PPFIA3: variants seen among roughly 807,000 people sequenced by gnomAD.
PPFIA3 encodes liprin-alpha-3.
In PPFIA3, 26 loss-of-function variants were observed where a neutral mutation model predicts 145.8. That is an observed-to-expected ratio of 0.18 (90% CI 0.13 to 0.25). The LOEUF (loss-of-function observed/expected upper bound fraction) is 0.25. Ranked by LOEUF, PPFIA3 falls within the 10% of genes least tolerant of loss-of-function variation. The pLI is 1.00. For missense variants in PPFIA3, 1,008 were observed against 1,587.8 expected (o/e 0.63, Z 6.21); for synonymous variants, 645 against 661.4 (o/e 0.98, Z 0.38).
At chr19:49,123,587 G>A (rs1200414881) in intron 1 of PPFIA3, among the ~76,000 whole-genome samples, 1 of 151,910 alleles carries the variant, frequency 6.6e-6, no homozygotes, top group Non-Finnish European at 1.5e-5. Context: ...GATTACAGGT[G>A]TGTACCACCA....
intron 15 of PPFIA3, 70 bp from the exon 16 acceptor site, chr19:49,138,135 G>A (rs981761960): frequency 6.9e-7 from 1 of 1,459,006 alleles, no homozygotes; most frequent in Non-Finnish European, 9.1e-7. Flanking sequence ...CTGGCCCATT[G>A]TGCTCCCAGA....
Position 49,122,143 on chromosome 19 carries a change from C to T in PPFIA3, c.-16+2421C>T, listed in dbSNP as rs569543696. Among the ~76,000 whole-genome samples the T allele has an allele frequency of 2.6e-4, 38 of 146,508 alleles. 1 individual carries two copies. In the South Asian group the frequency reaches 7.5e-3, roughly 29 times the overall value. ...TTGCTCAGGCTGGAGTGCAATGCTG[C>T]GATCTTGGCTCACCACAACCTCTGC... On this transcript the variant is annotated intron_variant, in intron 1 of 29. Transcript: ENST00000334186.
rs973481150 is a variant in PPFIA3, at chr19:49,134,562, T to A, written c.1378-77T>A. 2.2e-6 allele frequency: 3 copies of A among 1,357,472 alleles called. No homozygotes were observed. The African/African-American group carries it at 4.3e-5, about 19-fold the overall frequency. 84.1% of individuals were successfully genotyped at this position (1,357,472 alleles called of 1,614,324 possible). Reference sequence around the variant, plus strand: ...CTGGGTCCCCTCAGGCCTGTCTGTGTGCACTGGGAGCTGCCTGCAGCCCCA... The same window carrying A: ...CTGGGTCCCCTCAGGCCTGTCTGTGAGCACTGGGAGCTGCCTGCAGCCCCA... On this transcript the variant is annotated intron_variant, in intron 11 of 29. Coordinates refer to ENST00000334186, the MANE Select transcript of PPFIA3 (RefSeq NM_003660.4).
chr19:49,148,868 A>G, intron 25 of PPFIA3, 105 bp downstream of exon 25: 1 of 1,467,938 alleles, frequency 6.8e-7, no homozygotes, highest in Non-Finnish European at 9.1e-7. Context: ...TGGCACCATA[A>G]CCGTGGGGGT....
Position 49,128,770 on chromosome 19 carries a change from C to A in PPFIA3, c.343-78C>A. On this transcript the variant is annotated intron_variant, in intron 3 of 29. Transcript: ENST00000334186. The surrounding 1 kb of genome is among the most constrained non-coding windows in gnomAD (Gnocchi z 4.1). Reference sequence around the variant, plus strand: ...TCCATCTTTTCCTCCATGTGTCCGCCCTACCTGTCACCCTTTTTCTCACAT... The same window carrying A: ...TCCATCTTTTCCTCCATGTGTCCGCACTACCTGTCACCCTTTTTCTCACAT... The A allele has an allele frequency of 7.3e-7, 1 of 1,363,766 alleles. No individual in the cohort carries two copies. The highest frequency in any genetic ancestry group is 1.0e-6 in the Non-Finnish European group (1 of 1,002,566). 84.5% of individuals were successfully genotyped at this position (1,363,766 alleles called of 1,614,324 possible).
intron 18 of PPFIA3, among the ~76,000 whole-genome samples, chr19:49,140,664 T>C: frequency 7.3e-6 from 1 of 137,798 alleles, no homozygotes; most frequent in East Asian, 2.0e-4. Flanking sequence ...TTTTTTTTTT[T>C]TTTGTTTGGA....
At chr19:49,132,946 C>T in intron 7 of PPFIA3, 55 bp from the exon 8 acceptor site, 5 of 1,573,104 alleles carry the variant, frequency 3.2e-6, no homozygotes, top group South Asian at 2.3e-5. Flanking sequence ...AAGGGGGTTC[C>T]CCGTCCTCTC....
intron 5 of PPFIA3, 56 bp downstream of exon 5, chr19:49,129,510 G>A (rs543109254): frequency 1.6e-5 from 25 of 1,535,000 alleles, no homozygotes; most frequent in African/African-American, 1.4e-4. Flanking sequence ...CTAAGGGGCT[G>A]CCCACGGGGC....
chr19:49,142,201 C>T, intron 20 of PPFIA3, 86 bp downstream of exon 20: 3 of 1,275,346 alleles, frequency 2.4e-6, no homozygotes, highest in South Asian at 2.7e-5. Context: ...CCTCCTGGCG[C>T]ACCCTGCTTC....
chr19:49,125,933 G>GTT (rs67726449), intron 1 of PPFIA3, among the ~76,000 whole-genome samples: 2,523 of 149,266 alleles, frequency 0.017, 46 homozygotes, highest in African/African-American at 0.042. Context: ...TATTTTTTTT[G>GTT]TTTTTTTTTG....
chr19:49,142,187 T>A, intron 20 of PPFIA3, 72 bp downstream of exon 20: 3 of 1,353,980 alleles, frequency 2.2e-6, no homozygotes, highest in Non-Finnish European at 3.1e-6. Flanking sequence ...AGGGGCTGCC[T>A]GGTCCTCCTG....
chr19:49,131,749 G>A (rs770064926), intron 7 of PPFIA3, among the ~76,000 whole-genome samples: 54 of 151,894 alleles, frequency 3.6e-4, no homozygotes, highest in Non-Finnish European at 7.4e-4. Context: ...GGTGGTTCAC[G>A]CCTGTAATCC....
intron 4 of PPFIA3, 41 bp downstream of exon 4, chr19:49,129,053 A>G (rs1448209659): frequency 1.3e-6 from 2 of 1,531,710 alleles, no homozygotes; most frequent in East Asian, 2.3e-5. Context: ...ATGGAAACCT[A>G]TAGTTGACTG....
In PPFIA3 at chr19:49,142,806, G is replaced by A; in HGVS notation, c.2547G>A (p.Leu849=). ...DGPTVVSWLE[L]WVGMPAWYVA... ...GTCCCTCTGTCCCTCCGCTGCAGCT[G>A]TGGGTGGGCATGCCTGCCTGGTATG... The change falls in exon 21 of 30, where the codon CTG becomes CTA. Residue 849 remains leucine, a splice_region_variant and synonymous_variant. Transcript: ENST00000334186. 6.2e-7 allele frequency: 1 copy of A among 1,612,014 alleles called. No individual in the cohort carries two copies. The highest frequency in any genetic ancestry group is 2.2e-5 in the East Asian group (1 of 44,734).
chr19:49,133,178 G>C lies in PPFIA3; in HGVS notation c.1026+31G>C, dbSNP rs928601813. ...GGCGCGGCCGGGAGGGGCGATGGGG[G>C]CGGTGCCGGGGCCCAAGTGACCCAG... On this transcript the variant is annotated intron_variant, in intron 8 of 29. Coordinates refer to ENST00000334186, the MANE Select transcript of PPFIA3 (RefSeq NM_003660.4). This position sits in a 1 kb window ranked among gnomAD's most constrained non-coding sequence, Gnocchi z 7.2. The C allele has an allele frequency of 1.9e-6, 3 of 1,585,088 alleles. No homozygotes were observed. The highest frequency in any genetic ancestry group is 2.7e-5 in the African/African-American group (2 of 74,286).
chr19:49,149,387 G>A lies in PPFIA3; in HGVS notation c.3354+62G>A. ...GCGGCTCCTCGAGAGGCTGAGCTGA[G>A]GGGGCGGGGCCTGACTATTAATGGT... On this transcript the variant is annotated intron_variant, in intron 27 of 29. Coordinates refer to ENST00000334186, the MANE Select transcript of PPFIA3 (RefSeq NM_003660.4). The surrounding 1 kb of genome is among the most constrained non-coding windows in gnomAD (Gnocchi z 5.7). 6.2e-7 allele frequency: 1 copy of A among 1,603,900 alleles called. No individual in the cohort carries two copies. The highest frequency in any genetic ancestry group is 1.7e-4 in the Middle Eastern group (1 of 5,754).
rs2041334618 is a variant in PPFIA3 at position 49,150,399 on chromosome 19, G to A, written c.*177G>A. 2 of 437,770 alleles carry A rather than the reference G, an allele frequency of 4.6e-6. No homozygotes were observed. The highest frequency in any genetic ancestry group is 8.3e-6 in the Non-Finnish European group (2 of 242,184). 27.1% of individuals were successfully genotyped at this position (437,770 alleles called of 1,614,324 possible). A position where few individuals can be genotyped will look rare whatever the true frequency, so the allele number is the denominator to read the frequency against. The stretch of plus-strand genomic sequence containing the variant: ...CGCGCCCGCCTCGCACAGGGCCGGG[G>A]CCTGGACCAAACCACATGAACTGGA... On this transcript the variant is annotated 3_prime_UTR_variant, in exon 30 of 30. Transcript: ENST00000334186.
At chr19:49,148,566 C>T (rs1017637463) in intron 24 of PPFIA3, 100 bp from the exon 25 acceptor site, 3 of 979,030 alleles carry the variant, frequency 3.1e-6, no homozygotes, top group Non-Finnish European at 4.8e-6. Context: ...AGCTCCCCAC[C>T]CTTTCCAAGA....
Position 49,130,525 on chromosome 19 carries a change from G to A in PPFIA3, c.805G>A (p.Glu269Lys). 2.5e-6 allele frequency: 4 copies of A among 1,589,518 alleles called. No individual in the cohort carries two copies. Among genetic ancestry groups the A allele is most frequent in the Non-Finnish European group, 3.4e-6 (4 of 1,168,942 alleles). Residue 269 changes from glutamate to lysine, a missense_variant, in exon 7 of 30, where the codon GAG becomes AAG. Coordinates refer to ENST00000334186, the MANE Select transcript of PPFIA3 (RefSeq NM_003660.4). The surrounding 1 kb of genome is among the most constrained non-coding windows in gnomAD (Gnocchi z 4.5). ...LCRQMSQLEE[E>K]LGTAHRELGK... The stretch of plus-strand genomic sequence containing the variant: ...CCGTCAGATGAGCCAGCTGGAGGAG[G>A]AGTTGGGCACCGCGCACCGTGAGCT...
Sources: allele counts gnomAD v4.1 joint callset (sites outside exome capture counted in the v4.1 genomes callset), GRCh38; gene constraint gnomAD v4.1.1; non-coding constraint Gnocchi (gnomAD v3.1); transcripts MANE v1.5; gene names NCBI Gene and HGNC (gene_info 2026-07-23, HGNC 2026-07-21).